CHD1: variants seen among roughly 807,000 people sequenced by gnomAD.
CHD1 encodes the protein ATP-dependent chromatin remodeler CHD1.
In CHD1, 36 loss-of-function variants were observed where a neutral mutation model predicts 224.2. The observed-to-expected ratio is 0.16, with a 90% CI of 0.12 to 0.21. The LOEUF is 0.21. CHD1 is among the 10% of genes least tolerant of loss of function. The probability of loss-of-function intolerance (pLI) is 1.00; values close to 1 mark genes in which losing one functional copy is unlikely to be tolerated. For missense variants in CHD1, 1,378 were observed against 1,994.8 expected, an observed-to-expected ratio of 0.69 and a Z score of 5.89; for synonymous variants, 668 against 658.3, an observed-to-expected ratio of 1.01 and a Z score of -0.23.
chr5:98,924,237 T>C (rs927792502), intron 2 of CHD1, among the ~76,000 whole-genome samples: 1 of 151,582 alleles, frequency 6.6e-6, no homozygotes, highest in Non-Finnish European at 1.5e-5. Context: ...GGTGACAGAG[T>C]GAGGCCCTGT....
chr5:98,864,407 T>C (rs974614608), intron 31 of CHD1, among the ~76,000 whole-genome samples: 61 of 149,312 alleles, frequency 4.1e-4, no homozygotes, highest in Non-Finnish European at 8.1e-4. Flanking sequence ...GGGCCAGGCA[T>C]GGTGGCTCAG....
chr5:98,917,995 C>T (rs1018679129), intron 2 of CHD1, among the ~76,000 whole-genome samples: 1 of 152,064 alleles, frequency 6.6e-6, no homozygotes, highest in African/African-American at 2.4e-5. Context: ...TCCCCATTGG[C>T]AGTGTTTTTT....
At chr5:98,898,494 T>C (rs1311117915) in intron 9 of CHD1, 60 bp from the exon 10 acceptor site, 2 of 1,376,836 alleles carry the variant, frequency 1.5e-6, no homozygotes, top group Non-Finnish European at 1.9e-6. Context: ...AATCATCAGA[T>C]ACATAATTCT....
chr5:98,887,126 A>T (rs972995573), intron 17 of CHD1, among the ~76,000 whole-genome samples: 1 of 152,186 alleles, frequency 6.6e-6, no homozygotes, highest in African/African-American at 2.4e-5. Flanking sequence ...TGTATACTTT[A>T]AATGAGTAAA....
chr5:98,860,070 TAGA>T lies in CHD1; in HGVS notation c.4428-5_4428-3del. The T allele has an allele frequency of 1.3e-6, 2 of 1,496,756 alleles. No individual in the cohort carries two copies. The highest frequency in any genetic ancestry group is 2.4e-5 in the South Asian group (2 of 84,350). The allele number at this position is 1,496,756 out of a possible 1,614,324, so 92.7% of individuals were successfully genotyped here. A position where few individuals can be genotyped will look rare whatever the true frequency, so the allele number is the denominator to read the frequency against. On this transcript the variant is annotated splice_region_variant and splice_polypyrimidine_tract_variant and intron_variant, in intron 32 of 35. Coordinates refer to ENST00000614616, the MANE Select transcript of CHD1 (RefSeq NM_001270.4). Reference sequence around the variant, plus strand: ...TTAGATACAAAAATCCACAGGTTTCTAGAAGAATTTAAAAAAAGGCAAATTAAG... The same window carrying T: ...TTAGATACAAAAATCCACAGGTTTCTAGAATTTAAAAAAAGGCAAATTAAG...
In CHD1 at chr5:98,858,277, C is replaced by T; in HGVS notation, c.4690G>A (p.Asp1564Asn). The stretch of plus-strand genomic sequence containing the variant: ...CTGGAATCACTTTTTTTGTAAGAAT[C>T]TCCCTGATGTCGGTCTTTATGATGA... ...HDHHKDRHQG[D>N]SYKKSDSRKR... The change falls in exon 35 of 36, where the codon GAT becomes AAT. Residue 1564 changes from aspartate to asparagine, a missense_variant. This residue lies in a region of CHD1 where 278 missense variants were observed against 298.5 expected (regional missense o/e 0.93). Transcript: ENST00000614616. 6.2e-7 allele frequency: 1 copy of T among 1,613,218 alleles called. No homozygotes were observed. Among genetic ancestry groups the T allele is most frequent in the South Asian group, 1.1e-5 (1 of 91,064 alleles).
At chr5:98,895,835 T>C (rs1751311209) in intron 12 of CHD1, among the ~76,000 whole-genome samples, 1 of 151,722 alleles carries the variant, frequency 6.6e-6, no homozygotes, top group Admixed American at 6.6e-5. Context: ...CAATTAAACA[T>C]GTACTGAGAA....
At chr5:98,926,750 G>A (rs1015836568) in intron 1 of CHD1, among the ~76,000 whole-genome samples, 1 of 151,674 alleles carries the variant, frequency 6.6e-6, no homozygotes, top group Non-Finnish European at 1.5e-5. Flanking sequence ...AATATACTTC[G>A]GACAGAAAAA....
chr5:98,878,065 G>A (rs565783016), intron 23 of CHD1, among the ~76,000 whole-genome samples: 225 of 152,300 alleles, frequency 1.5e-3, no homozygotes, highest in South Asian at 3.7e-3. Context: ...CATACAAGCA[G>A]GTAAGAGGAG....
At chr5:98,863,644 G>A (rs1748640265) in intron 31 of CHD1, 58 bp from the exon 32 acceptor site, 1 of 1,153,024 alleles carries the variant, frequency 8.7e-7, no homozygotes, top group Non-Finnish European at 1.2e-6. Flanking sequence ...AATTCAACAA[G>A]GTCTACCTCC....
At chr5:98,891,147 C>G (rs557154563) in intron 15 of CHD1, among the ~76,000 whole-genome samples, 1 of 152,266 alleles carries the variant, frequency 6.6e-6, no homozygotes, top group African/African-American at 2.4e-5. Context: ...GACCTCGGTT[C>G]ACTGCAACCT....
chr5:98,898,802 TC>T, intron 8 of CHD1, 38 bp from the exon 9 acceptor site: 1 of 1,152,920 alleles, frequency 8.7e-7, no homozygotes. Context: ...CTTAAAAATC[TC>T]CCATAAATAA....
chr5:98,892,977 T>C (rs1288843462), intron 14 of CHD1, among the ~76,000 whole-genome samples: 1 of 152,140 alleles, frequency 6.6e-6, no homozygotes. Flanking sequence ...ATCACTAAAA[T>C]ATTTCTCAAA....
rs113907015 is a variant in CHD1, at chr5:98,875,278, C to T, written c.3399-165G>A. Among the ~76,000 whole-genome samples, 14 of 152,180 alleles carry T rather than the reference C, an allele frequency of 9.2e-5. 1 individual carries two copies. The highest frequency in any genetic ancestry group is 3.4e-4 in the African/African-American group (14 of 41,554). On this transcript the variant is annotated intron_variant, in intron 24 of 35. Coordinates refer to ENST00000614616, the MANE Select transcript of CHD1 (RefSeq NM_001270.4). Reference sequence around the variant, plus strand: ...TATGCTAAAAACAAAAATGTTAAAACATTAAGATACACCAGGTAAGACAAG... The same window carrying T: ...TATGCTAAAAACAAAAATGTTAAAATATTAAGATACACCAGGTAAGACAAG...
chr5:98,897,275 A>T lies in CHD1; in HGVS notation c.1411T>A (p.Ser471Thr). ...PRFVALKKQP[S>T]YIGGHEGLEL... ...AAGCCCTCATGTCCTCCAATATAGGATGGCTGCTTCTTCAGGGCTACAAAC... is the reference window on the plus strand; with the variant it reads ...AAGCCCTCATGTCCTCCAATATAGGTTGGCTGCTTCTTCAGGGCTACAAAC... The change falls in exon 11 of 36, where the codon TCC (serine) becomes ACC (threonine). Residue 471 changes from serine to threonine, a missense_variant. Ser to Thr is a moderately conservative substitution (Grantham distance 58). Around this residue, in one of 16 missense-constraint regions of CHD1, gnomAD observed 86 missense variants for 97.7 expected, o/e 0.88. Coordinates refer to ENST00000614616, the MANE Select transcript of CHD1 (RefSeq NM_001270.4). 1 of 1,611,398 alleles carries T rather than the reference A, an allele frequency of 6.2e-7. No individual in the cohort carries two copies. Among genetic ancestry groups the T allele is most frequent in the Middle Eastern group, 1.7e-4 (1 of 6,050 alleles).
Position 98,872,461 on chromosome 5 carries a change from T to C in CHD1, c.3666A>G (p.Ile1222Met). The C allele has an allele frequency of 6.2e-7, 1 of 1,613,612 alleles. No individual in the cohort carries two copies. The highest frequency in any genetic ancestry group is 8.5e-7 in the Non-Finnish European group (1 of 1,179,626). ...CAGAAGGAATGGATTTGTGCAAAGG[T>C]ATTAATTCTTCTTCATGGGAGATGA... ...KLVISHEEEL[I>M]PLHKSIPSDP... The change falls in exon 27 of 36, where the codon ATA (isoleucine) becomes ATG (methionine). Residue 1222 changes from isoleucine to methionine, a missense_variant. By Grantham distance (10) the Ile-to-Met change is conservative. Coordinates refer to ENST00000614616, the MANE Select transcript of CHD1 (RefSeq NM_001270.4).
intron 24 of CHD1, among the ~76,000 whole-genome samples, chr5:98,875,358 G>A (rs998220099): frequency 6.6e-6 from 1 of 151,982 alleles, no homozygotes; most frequent in African/African-American, 2.4e-5. Context: ...AACAATAGAA[G>A]CTAAATTTTG....
intron 20 of CHD1, 53 bp downstream of exon 20, chr5:98,881,922 A>C (rs986995174): frequency 1.1e-5 from 17 of 1,495,190 alleles, no homozygotes; most frequent in Middle Eastern, 2.2e-4. Context: ...ACATATCAAA[A>C]ATATGAGTTT....
At chr5:98,862,900 G>T (rs757965343) in intron 32 of CHD1, among the ~76,000 whole-genome samples, 2 of 152,118 alleles carry the variant, frequency 1.3e-5, no homozygotes. Context: ...AAGTAGAGAA[G>T]AATTTTAATA....
Sources: gnomAD v4.1 joint callset for allele counts (sites outside exome capture counted in the v4.1 genomes callset) on GRCh38, gnomAD v4.1.1 for gene constraint, gnomAD v4.1.1 regional missense constraint, MANE v1.5 for transcripts, NCBI Gene and HGNC (gene_info 2026-07-23, HGNC 2026-07-21) for gene names.